Variants in GARIN2 observed in about 807,000 individuals in gnomAD.
GARIN2 encodes Golgi-associated RAB2 interactor protein 2.
At chr14:67,220,841 T>C in the GARIN2 span, among the ~76,000 whole-genome samples, 1 of 152,256 alleles carries the variant, frequency 6.6e-6, no homozygotes, top group African/African-American at 2.4e-5. Flanking sequence ...GATTTTAACA[T>C]TTACTTTCTG....
chr14:67,195,514 G>A, the GARIN2 span, among the ~76,000 whole-genome samples: 3 of 152,128 alleles, frequency 2.0e-5, no homozygotes, highest in Admixed American at 6.5e-5. Flanking sequence ...ACACCCTCCA[G>A]TATGCAGTAT....
the GARIN2 span, among the ~76,000 whole-genome samples, chr14:67,205,492 T>C: frequency 1.1e-4 from 17 of 152,300 alleles, no homozygotes; most frequent in Admixed American, 1.0e-3. Flanking sequence ...TTTAAAAATA[T>C]ATAGCAGTAC....
chr14:67,218,490 A>G, the GARIN2 span, among the ~76,000 whole-genome samples: 1 of 152,164 alleles, frequency 6.6e-6, no homozygotes, highest in African/African-American at 2.4e-5. Context: ...ATGTGGATAC[A>G]GGGCTGCTTG....
chr14:67,208,978 G>A, the GARIN2 span, among the ~76,000 whole-genome samples: 4 of 151,668 alleles, frequency 2.6e-5, no homozygotes, highest in East Asian at 7.7e-4. Context: ...GATTTATGAT[G>A]TACCATAAAA....
the GARIN2 span, chr14:67,204,492 C>A: frequency 5.2e-6 from 8 of 1,544,666 alleles, no homozygotes; most frequent in Non-Finnish European, 7.0e-6. Context: ...TTTTATAAGC[C>A]TCCCATCAGG....
the GARIN2 span, among the ~76,000 whole-genome samples, chr14:67,202,329 T>C: frequency 2.0e-5 from 3 of 151,982 alleles, no homozygotes; most frequent in African/African-American, 7.3e-5. Context: ...TAATCCCAGC[T>C]ACTTGGGAGG....
the GARIN2 span, among the ~76,000 whole-genome samples, chr14:67,209,821 A>G: frequency 6.9e-6 from 1 of 144,324 alleles, no homozygotes; most frequent in Non-Finnish European, 1.6e-5. Flanking sequence ...CCATCTCGGA[A>G]AAAAAAAAAA....
the GARIN2 span, among the ~76,000 whole-genome samples, chr14:67,191,955 G>A: frequency 6.6e-6 from 1 of 152,244 alleles, no homozygotes; most frequent in Non-Finnish European, 1.5e-5. Flanking sequence ...TCACCATTCA[G>A]TTGGAACTTG....
At chr14:67,216,324 C>A in the GARIN2 span, among the ~76,000 whole-genome samples, 1 of 151,988 alleles carries the variant, frequency 6.6e-6, no homozygotes, top group Non-Finnish European at 1.5e-5. Context: ...GTTTTGGTAT[C>A]AGGGCAATGC....
chr14:67,212,440 A>T, the GARIN2 span, among the ~76,000 whole-genome samples: 2 of 151,264 alleles, frequency 1.3e-5, no homozygotes, highest in African/African-American at 4.9e-5. Flanking sequence ...AAATACAAAA[A>T]TTTTGCAGAG....
chr14:67,205,532 C>T, the GARIN2 span, among the ~76,000 whole-genome samples: 2 of 151,950 alleles, frequency 1.3e-5, no homozygotes, highest in African/African-American at 2.4e-5. Flanking sequence ...GATGGAATTT[C>T]GATGGGTAAA....
the GARIN2 span, among the ~76,000 whole-genome samples, chr14:67,212,301 C>A: frequency 0.056 from 8,573 of 151,848 alleles, 503 homozygotes; most frequent in African/African-American, 0.15. Flanking sequence ...TAAAATGGCT[C>A]CTCTGACAAA....
At chr14:67,198,398 G>A in the GARIN2 span, 1 of 1,388,114 alleles carries the variant, frequency 7.2e-7, no homozygotes, top group Admixed American at 1.9e-5. Flanking sequence ...AGGATGGTAG[G>A]AGAATTGTTT....
chr14:67,193,519 C>CTA, the GARIN2 span, among the ~76,000 whole-genome samples: 31 of 133,698 alleles, frequency 2.3e-4, no homozygotes, highest in Admixed American at 2.2e-3. Context: ...ATATATATAT[C>CTA]TAGATATAGA....
the GARIN2 span, among the ~76,000 whole-genome samples, chr14:67,215,367 G>C: frequency 6.6e-6 from 1 of 150,882 alleles, no homozygotes; most frequent in African/African-American, 2.4e-5. Flanking sequence ...GGGCACAGAA[G>C]TCACTGAAAT....
the GARIN2 span, among the ~76,000 whole-genome samples, chr14:67,212,332 C>T: frequency 1.1e-3 from 161 of 151,960 alleles, no homozygotes; most frequent in African/African-American, 3.6e-3. Context: ...TAGGGCCAGG[C>T]GCAGTGTCTC....
chr14:67,200,226 C>A, the GARIN2 span: 5 of 1,012,150 alleles, frequency 4.9e-6, no homozygotes, highest in Non-Finnish European at 7.1e-6. Flanking sequence ...TGGCCCTCCA[C>A]AACCCACACC....
the GARIN2 span, among the ~76,000 whole-genome samples, chr14:67,226,880 C>T: frequency 4.5e-4 from 69 of 152,256 alleles, no homozygotes; most frequent in East Asian, 7.5e-3. Context: ...GGTGTGGAGA[C>T]AGCGATGGGT....
chr14:67,195,638 G>T, the GARIN2 span, among the ~76,000 whole-genome samples: 4 of 151,708 alleles, frequency 2.6e-5, no homozygotes, highest in Non-Finnish European at 5.9e-5. Flanking sequence ...CCAATTATAA[G>T]ATATATTATT....
Sources: allele counts gnomAD v4.1 joint callset (sites outside exome capture counted in the v4.1 genomes callset), GRCh38; gene constraint gnomAD v4.1.1; transcripts MANE v1.5; gene names NCBI Gene and HGNC (gene_info 2026-07-23, HGNC 2026-07-21).